Variants in ESR2 observed in about 807,000 individuals in gnomAD.
The protein encoded by ESR2 is estrogen receptor beta.
A neutral mutation model predicts 49.6 loss-of-function variants in ESR2; 36 were observed. That is an observed-to-expected ratio of 0.73 (90% CI 0.56 to 0.96). The LOEUF is 0.96. ESR2 is among the 40% of genes least tolerant of loss of function. The pLI is 0.00. For missense variants in ESR2, 714 were observed against 693.0 expected (o/e 1.03, Z -0.34); for synonymous variants, 320 against 266.1 (o/e 1.20, Z -1.97).
intron 6 of ESR2, among the ~76,000 whole-genome samples, chr14:64,254,379 T>C (rs2076054839): frequency 2.6e-5 from 4 of 152,168 alleles, no homozygotes; most frequent in Admixed American, 2.6e-4. Context: ...TTCATTTGTA[T>C]AAGAGAGGAC....
chr14:64,286,293 T>C (rs941385639), intron 1 of ESR2, among the ~76,000 whole-genome samples: 1 of 152,128 alleles, frequency 6.6e-6, no homozygotes, highest in Non-Finnish European at 1.5e-5. Context: ...ATAATGAGTA[T>C]GGAATTTTAT....
At chr14:64,335,956 C>G (rs2077524991) in intron 1 of ESR2, 2 of 150,820 alleles carry the variant, frequency 1.3e-5, no homozygotes, top group Admixed American at 6.7e-5. Context: ...AGGCGTCCGC[C>G]ACCACGCCCA....
intron 1 of ESR2, among the ~76,000 whole-genome samples, chr14:64,304,528 C>T (rs2077065569): frequency 6.6e-6 from 1 of 152,128 alleles, no homozygotes; most frequent in Non-Finnish European, 1.5e-5. Flanking sequence ...GAATAAAGTT[C>T]CAACAGCTTT....
upstream of ESR2, among the ~76,000 whole-genome samples, chr14:64,295,832 T>C (rs1399889998): frequency 1.3e-5 from 2 of 151,636 alleles, no homozygotes; most frequent in African/African-American, 2.4e-5. Context: ...GATCACGAGG[T>C]CAGGAGTTTG....
chr14:64,328,613 C>T (rs1188764035), intron 1 of ESR2, among the ~76,000 whole-genome samples: 1 of 152,116 alleles, frequency 6.6e-6, no homozygotes, highest in Non-Finnish European at 1.5e-5. Context: ...TAAGGGAATA[C>T]TTGAGGCTGA....
intron 1 of ESR2, among the ~76,000 whole-genome samples, chr14:64,320,962 A>G (rs148871008): frequency 7.3e-4 from 111 of 152,252 alleles, no homozygotes; most frequent in African/African-American, 2.6e-3. Flanking sequence ...CACTAATGCA[A>G]TTTGTTACTG....
intron 6 of ESR2, 152 bp downstream of exon 6, chr14:64,257,074 C>T (rs568864873): frequency 5.6e-6 from 4 of 712,678 alleles, no homozygotes; most frequent in East Asian, 2.5e-5. Flanking sequence ...CTCTCCTTCT[C>T]TGGTTCTTGA....
intron 1 of ESR2, among the ~76,000 whole-genome samples, chr14:64,300,331 C>T (rs1376339245): frequency 3.3e-5 from 5 of 152,192 alleles, no homozygotes; most frequent in Admixed American, 3.3e-4. Context: ...TATTGCACTG[C>T]TACTATCTCA....
chr14:64,272,787 A>G (rs1273196), intron 3 of ESR2, among the ~76,000 whole-genome samples: 23,691 of 152,124 alleles, frequency 0.16, 3,152 homozygotes, highest in East Asian at 0.46. Flanking sequence ...TATAATTTAT[A>G]GTCAGGTAAT....
chr14:64,234,935 C>T (rs1487252486), intron 8 of ESR2, 35 bp downstream of exon 8: 2 of 1,602,576 alleles, frequency 1.2e-6, no homozygotes, highest in Non-Finnish European at 1.7e-6. Context: ...AATCCCATCC[C>T]AAGCCCAAGC....
chr14:64,280,287 G>A (rs1420675085), intron 2 of ESR2, 134 bp from the exon 3 acceptor site: 35 of 671,680 alleles, frequency 5.2e-5, no homozygotes, highest in East Asian at 1.1e-4. Context: ...ATATATTCCC[G>A]GAAATCTGAT....
intron 3 of ESR2, among the ~76,000 whole-genome samples, chr14:64,274,530 G>T (rs1183114980): frequency 1.3e-5 from 2 of 151,656 alleles, no homozygotes; most frequent in African/African-American, 4.8e-5. Context: ...GATCTGTCAG[G>T]TTTATTTTCT....
intron 7 of ESR2, among the ~76,000 whole-genome samples, chr14:64,236,234 C>T (rs1055207640): frequency 6.6e-6 from 1 of 152,192 alleles, no homozygotes; most frequent in African/African-American, 2.4e-5. Context: ...TGCCACATCC[C>T]TAGGGACCTC....
chr14:64,313,378 A>G (rs2077206509), intron 1 of ESR2, among the ~76,000 whole-genome samples: 1 of 151,962 alleles, frequency 6.6e-6, no homozygotes, highest in Admixed American at 6.6e-5. Flanking sequence ...AATAAAAAAT[A>G]CAAAAATCAG....
intron 1 of ESR2, among the ~76,000 whole-genome samples, chr14:64,310,952 T>C (rs974307190): frequency 1.3e-5 from 2 of 152,212 alleles, no homozygotes; most frequent in African/African-American, 4.8e-5. Context: ...TCAATCTGTC[T>C]GACCTACTCC....
At chr14:64,267,154 C>T (rs890002508) in intron 4 of ESR2, among the ~76,000 whole-genome samples, 2 of 152,228 alleles carry the variant, frequency 1.3e-5, no homozygotes, top group African/African-American at 4.8e-5. Context: ...GCTGGGATTA[C>T]AGGCGTGAGC....
intron 4 of ESR2, among the ~76,000 whole-genome samples, chr14:64,262,048 G>A (rs188350193): frequency 1.3e-3 from 191 of 151,082 alleles, no homozygotes; most frequent in African/African-American, 4.3e-3. Flanking sequence ...AAACCATCTC[G>A]CTTTACTTTG....
At chr14:64,311,061 T>G (rs188807283) in intron 1 of ESR2, among the ~76,000 whole-genome samples, 2 of 152,306 alleles carry the variant, frequency 1.3e-5, no homozygotes, top group Admixed American at 6.5e-5. Flanking sequence ...CACAGTTCTC[T>G]AAAATCATTT....
chr14:64,233,420 C>A, intron 8 of ESR2, 97 bp from the exon 9 acceptor site: 1 of 1,223,698 alleles, frequency 8.2e-7, no homozygotes, highest in Non-Finnish European at 1.2e-6. Flanking sequence ...CCAGTCTACC[C>A]CACCCCTAAA....
Sources: allele counts gnomAD v4.1 joint callset (sites outside exome capture counted in the v4.1 genomes callset), GRCh38; gene constraint gnomAD v4.1.1; transcripts MANE v1.5; gene names NCBI Gene and HGNC (gene_info 2026-07-23, HGNC 2026-07-21).